Variants in ZNF362 observed in about 807,000 individuals in gnomAD.
ZNF362 encodes the protein rotund homolog.
ZNF362 carries 11 observed loss-of-function variants against 42.9 expected under a neutral mutation model. That is an observed-to-expected ratio of 0.26 (90% confidence interval 0.16 to 0.42). ZNF362 has a LOEUF of 0.42. Among genes scored for constraint, ZNF362 ranks in the 20% least tolerant of loss-of-function variants. The pLI is 1.00. For synonymous variants in ZNF362, 255 were observed against 257.3 expected (o/e 0.99, Z 0.09); for missense variants, 362 against 576.2 (o/e 0.63, Z 3.81).
the ZNF362 span, among the ~76,000 whole-genome samples, chr1:33,148,144 T>C: frequency 2.0e-5 from 3 of 152,100 alleles, no homozygotes; most frequent in African/African-American, 7.2e-5. Context: ...CAGGTTGTCT[T>C]AACAACAGCT....
chr1:33,234,906 G>T, the ZNF362 span, among the ~76,000 whole-genome samples: 1 of 152,192 alleles, frequency 6.6e-6, no homozygotes, highest in African/African-American at 2.4e-5. Context: ...CCTCTGAGCA[G>T]CTCCTGGCTT....
chr1:33,270,448 A>AT (rs1477356649), intron 1 of ZNF362, 39 bp from the exon 2 acceptor site: 2 of 626,638 alleles, frequency 3.2e-6, no homozygotes, highest in African/African-American at 3.7e-5. Context: ...TACTATTATT[A>AT]TTATTGTTAT....
At chr1:33,136,578 C>T in the ZNF362 span, among the ~76,000 whole-genome samples, 3 of 151,462 alleles carry the variant, frequency 2.0e-5, no homozygotes, top group South Asian at 6.3e-4. Context: ...CCATGTTGGG[C>T]AGGCTGGTCT....
At chr1:33,291,827 G>A (rs946822944) in intron 6 of ZNF362, among the ~76,000 whole-genome samples, 1 of 152,086 alleles carries the variant, frequency 6.6e-6, no homozygotes, top group Non-Finnish European at 1.5e-5. Context: ...TATTCTCTTT[G>A]AAGCAATTGT....
intron 4 of ZNF362, among the ~76,000 whole-genome samples, chr1:33,278,830 T>G (rs1390814502): frequency 1.3e-5 from 2 of 152,224 alleles, no homozygotes; most frequent in Non-Finnish European, 2.9e-5. Context: ...TGTGCAGTTC[T>G]CCCTAATGAG....
chr1:33,280,055 G>A lies in ZNF362; in HGVS notation c.350-69G>A. 1 of 1,494,918 alleles carries A rather than the reference G, an allele frequency of 6.7e-7. No individual in the cohort carries two copies. Among genetic ancestry groups the A allele is most frequent in the Non-Finnish European group, 8.9e-7 (1 of 1,121,978 alleles). The allele number at this position is 1,494,918 out of a possible 1,614,324, so 92.6% of individuals were successfully genotyped here. ...GATGCTCGCCTGCCAAAATCACATA[G>A]CTGGGTGGGCAGCTGAGCTGGCCTC... On this transcript the variant is annotated intron_variant, in intron 4 of 8. Transcript: ENST00000539719. The surrounding 1 kb of genome is among the most constrained non-coding windows in gnomAD (Gnocchi z 5.6).
the ZNF362 span, among the ~76,000 whole-genome samples, chr1:33,156,240 T>C: frequency 6.6e-6 from 1 of 152,162 alleles, no homozygotes; most frequent in Non-Finnish European, 1.5e-5. Flanking sequence ...TCTTCTATCA[T>C]AAAAAACAGC....
chr1:33,219,845 T>C, the ZNF362 span, among the ~76,000 whole-genome samples: 1 of 152,100 alleles, frequency 6.6e-6, no homozygotes, highest in Non-Finnish European at 1.5e-5. Flanking sequence ...TCTAGACTAA[T>C]TCAAGCCAAG....
At chr1:33,187,430 A>G in the ZNF362 span, among the ~76,000 whole-genome samples, 1 of 152,176 alleles carries the variant, frequency 6.6e-6, no homozygotes, top group Non-Finnish European at 1.5e-5. Context: ...GGTGGTGGAA[A>G]GTCACGATTT....
At chr1:33,131,175 C>T in the ZNF362 span, among the ~76,000 whole-genome samples, 1 of 152,196 alleles carries the variant, frequency 6.6e-6, no homozygotes, top group African/African-American at 2.4e-5. Flanking sequence ...GGAGGGAATT[C>T]TCTTTCCTGA....
upstream of ZNF362, among the ~76,000 whole-genome samples, chr1:33,256,264 G>A (rs1229372017): frequency 1.5e-5 from 2 of 137,124 alleles, no homozygotes; most frequent in Non-Finnish European, 3.2e-5. Flanking sequence ...CCCGCCCCCC[G>A]CCCGGCCCCC....
intron 1 of ZNF362, among the ~76,000 whole-genome samples, chr1:33,263,899 G>A (rs998205336): frequency 6.6e-6 from 1 of 152,152 alleles, no homozygotes; most frequent in African/African-American, 2.4e-5. Flanking sequence ...GGGGCCTGTA[G>A]CCGGTCTTCC....
the ZNF362 span, chr1:33,195,570 G>C: frequency 3.3e-5 from 5 of 152,276 alleles, no homozygotes; most frequent in East Asian, 9.6e-4. Context: ...TCCTGTACAG[G>C]ATGTTACTGT....
In ZNF362 at chr1:33,299,068, A is replaced by C. The variant is rs1570417124; in HGVS notation, c.*22A>C. The C allele has an allele frequency of 6.3e-7, 1 of 1,587,624 alleles. No individual in the cohort carries two copies. On this transcript the variant is annotated 3_prime_UTR_variant, in exon 9 of 9. Transcript: ENST00000539719. ...CTGAGCCCACTGGAGGCGCCGCCCC[A>C]CCCGGCCCACTGGCAGACACAGACC...
At chr1:33,251,736 T>TG (rs1162360776), upstream of ZNF362, among the ~76,000 whole-genome samples, 9 of 152,222 alleles carry the variant, frequency 5.9e-5, no homozygotes, top group East Asian at 1.7e-3. Flanking sequence ...TTCTCTCTGT[T>TG]GGAAACACTC....
At chr1:33,200,359 CA>C in the ZNF362 span, 1 of 151,666 alleles carries the variant, frequency 6.6e-6, no homozygotes, top group East Asian at 1.9e-4. Context: ...AAAAAATACT[CA>C]ATCCAAAAAA....
At chr1:33,195,754 G>A in the ZNF362 span, 1 of 152,128 alleles carries the variant, frequency 6.6e-6, no homozygotes, top group East Asian at 1.9e-4. Context: ...CGGTGAGTCA[G>A]TGAGTGGGTG....
the ZNF362 span, among the ~76,000 whole-genome samples, chr1:33,238,791 C>G: frequency 6.6e-6 from 1 of 152,060 alleles, no homozygotes; most frequent in Non-Finnish European, 1.5e-5. Context: ...CCTGAGCGTT[C>G]TATCTCTCCC....
the ZNF362 span, among the ~76,000 whole-genome samples, chr1:33,178,775 G>T: frequency 6.6e-6 from 1 of 152,240 alleles, no homozygotes; most frequent in Non-Finnish European, 1.5e-5. Flanking sequence ...GAGTAAGCAA[G>T]TGGCAGTCCT....
Sources: allele counts gnomAD v4.1 joint callset (sites outside exome capture counted in the v4.1 genomes callset), GRCh38; gene constraint gnomAD v4.1.1; non-coding constraint Gnocchi (gnomAD v3.1); transcripts MANE v1.5; gene names NCBI Gene and HGNC (gene_info 2026-07-23, HGNC 2026-07-21).